Variants in SNX16 observed in about 807,000 individuals in gnomAD.
SNX16 encodes sorting nexin 16.
SNX16 carries 35 observed loss-of-function variants against 36.7 expected under a neutral mutation model. That is an observed-to-expected ratio of 0.95 (90% CI 0.73 to 1.27). The LOEUF (loss-of-function observed/expected upper bound fraction) is 1.27, where lower values mean the gene tolerates loss of function less well. Among genes scored for constraint, SNX16 ranks in the 50% most tolerant of loss-of-function variants. The pLI is 0.00. For synonymous variants in SNX16, 134 were observed against 132.0 expected (o/e 1.02, Z -0.10); for missense variants, 367 against 393.6 (o/e 0.93, Z 0.57).
chr8:81,835,218 G>A (rs922071321), intron 2 of SNX16, among the ~76,000 whole-genome samples: 4 of 152,312 alleles, frequency 2.6e-5, no homozygotes, highest in Non-Finnish European at 4.4e-5. Flanking sequence ...CGGCTGGGAC[G>A]CAGGGCACCA....
chr8:81,815,154 T>A, intron 5 of SNX16, 171 bp downstream of exon 5: 1 of 423,324 alleles, frequency 2.4e-6, no homozygotes, highest in Non-Finnish European at 4.2e-6. Flanking sequence ...GCTAAGTCTA[T>A]GTATTTCACT....
chr8:81,802,458 T>G lies in SNX16; in HGVS notation c.860A>C (p.Glu287Ala), dbSNP rs1809744786. 2.5e-6 allele frequency: 4 copies of G among 1,609,910 alleles called. No homozygotes were observed. In the African/African-American group the frequency reaches 5.4e-5, roughly 22 times the overall value. ...CTTTAGGATCTGTTCACCTTCTGTT[T>G]CTGACACATCCAGTGATTCTTCAGG... ...LEPEESLDVS[E>A]TEGEQILKVE... Residue 287 changes from glutamate (E) to alanine (A), a missense_variant, in exon 7 of 8, where the codon GAA (glutamate) becomes GCA (alanine). Glu to Ala is a moderately radical substitution (Grantham distance 107, BLOSUM62 -1). Transcript: ENST00000345957.
At chr8:81,840,768 C>A (rs1461827628) in intron 1 of SNX16, among the ~76,000 whole-genome samples, 1 of 152,174 alleles carries the variant, frequency 6.6e-6, no homozygotes, top group African/African-American at 2.4e-5. Context: ...TTCTGCTCTA[C>A]GATAAACTGA....
chr8:81,815,308 T>C lies in SNX16; in HGVS notation c.681+17A>G. On this transcript the variant is annotated intron_variant, in intron 5 of 7. Transcript: ENST00000345957. ...TAATTGTTCCTCTTTTCATGTGCTA[T>C]ATAATACAGCACTTACCCTGCTTTC... The C allele has an allele frequency of 6.3e-7, 1 of 1,599,152 alleles. No individual in the cohort carries two copies. The highest frequency in any genetic ancestry group is 8.6e-7 in the Non-Finnish European group (1 of 1,168,184).
At chr8:81,802,523 G>A (rs1444650012) in intron 6 of SNX16, 24 bp from the exon 7 acceptor site, 3 of 1,588,568 alleles carry the variant, frequency 1.9e-6, no homozygotes, top group African/African-American at 2.7e-5. Context: ...ATAGCAACAA[G>A]TTATTTTCTA....
intron 2 of SNX16, among the ~76,000 whole-genome samples, chr8:81,838,520 AAG>A (rs1251009882): frequency 9.9e-5 from 15 of 151,786 alleles, no homozygotes; most frequent in African/African-American, 3.6e-4. Flanking sequence ...ACTGAAAATG[AAG>A]AGGAGAGAGA....
chr8:81,822,975 TACAC>T (rs113354247), intron 4 of SNX16, among the ~76,000 whole-genome samples: 2 of 146,018 alleles, frequency 1.4e-5, no homozygotes. Context: ...TATATATATA[TACAC>T]ATATGTGTGT....
intron 2 of SNX16, among the ~76,000 whole-genome samples, chr8:81,837,231 G>A (rs1035084110): frequency 1.3e-5 from 2 of 152,088 alleles, no homozygotes; most frequent in Non-Finnish European, 1.5e-5. Flanking sequence ...CTATTACCCA[G>A]AACAGTGCCT....
At chr8:81,835,032 C>A (rs1441059939) in intron 2 of SNX16, among the ~76,000 whole-genome samples, 1 of 152,256 alleles carries the variant, frequency 6.6e-6, no homozygotes, top group Admixed American at 6.5e-5. Context: ...TCTGCCTGGG[C>A]ATCCAGGCAT....
chr8:81,808,116 C>A (rs2600603), intron 5 of SNX16: 266,686 of 1,188,632 alleles, frequency 0.22, 35,295 homozygotes, highest in East Asian at 0.39. Flanking sequence ...TTAAAGAAGA[C>A]ACTGAAGAAC....
At chr8:81,840,582 G>A (rs1811699165) in intron 1 of SNX16, 1 of 152,298 alleles carries the variant, frequency 6.6e-6, no homozygotes, top group Non-Finnish European at 1.5e-5. Flanking sequence ...ACACAGAGTA[G>A]TAACAATGAA....
At chr8:81,828,231 T>A (rs538873444) in intron 3 of SNX16, among the ~76,000 whole-genome samples, 1 of 152,254 alleles carries the variant, frequency 6.6e-6, no homozygotes, top group East Asian at 1.9e-4. Context: ...ATATGATAAA[T>A]CCTAGAAATG....
Position 81,823,804 on chromosome 8 carries a change from T to C in SNX16, c.599A>G (p.Asp200Gly), listed in dbSNP as rs1810885019. 2 of 1,607,162 alleles carry C rather than the reference T, an allele frequency of 1.2e-6. No homozygotes were observed. Among genetic ancestry groups the C allele is most frequent in the East Asian group, 2.2e-5 (1 of 44,690 alleles). The change falls in exon 4 of 8, where the codon GAC becomes GGC. Residue 200 changes from aspartate to glycine, a missense_variant. Asp to Gly is a moderately conservative substitution (Grantham distance 94). Transcript: ENST00000345957. ...ATTCGTTACATACCAGTTAGCAATG[T>C]CCTTGTGAGCTACTAAATTTTGAAG... ...AFLQNLVAHK[D>G]IANCLAVREF...
At chr8:81,812,473 T>C (rs1379796330) in intron 5 of SNX16, among the ~76,000 whole-genome samples, 2 of 152,064 alleles carry the variant, frequency 1.3e-5, no homozygotes, top group Non-Finnish European at 2.9e-5. Context: ...AGGTTGATTT[T>C]TTTTTTATCA....
intron 3 of SNX16, among the ~76,000 whole-genome samples, chr8:81,826,070 C>A (rs1811005965): frequency 6.6e-6 from 1 of 150,882 alleles, no homozygotes; most frequent in Admixed American, 6.6e-5. Flanking sequence ...AGGAGTTGTC[C>A]CACAATTGGG....
At position 81,823,892 on chromosome 8, in the gene SNX16, A is replaced by T; in HGVS notation, c.511T>A (p.Trp171Arg). Residue 171 changes from tryptophan (W) to arginine (R), a missense_variant, in exon 4 of 8, where the codon TGG becomes AGG. Transcript: ENST00000345957. ...TCAGCATTGTAATTATCTTTAAACC[A>T]GCGTTTTGGAGGAAGTGCTAGTCGA... ...GFRLALPPKR[W>R]FKDNYNADFL... The T allele has an allele frequency of 1.2e-6, 2 of 1,611,846 alleles. No individual in the cohort carries two copies. Among genetic ancestry groups the T allele is most frequent in the South Asian group, 1.1e-5 (1 of 90,628 alleles).
At chr8:81,810,141 C>A (rs910361771) in intron 5 of SNX16, among the ~76,000 whole-genome samples, 1 of 151,962 alleles carries the variant, frequency 6.6e-6, no homozygotes, top group Non-Finnish European at 1.5e-5. Flanking sequence ...TAATTTATTT[C>A]TAATAAGCTA....
At chr8:81,815,169 G>T in intron 5 of SNX16, 156 bp downstream of exon 5, 1 of 464,982 alleles carries the variant, frequency 2.2e-6, no homozygotes, top group Non-Finnish European at 3.7e-6. Flanking sequence ...TTCACTGAAA[G>T]CAACCTTTGA....
At chr8:81,841,862 T>G (rs1231440251) in intron 1 of SNX16, 4 of 152,004 alleles carry the variant, frequency 2.6e-5, no homozygotes, top group Non-Finnish European at 5.9e-5. Context: ...CGGTCACGGG[T>G]CTTCCGCACT....
Sources: gnomAD v4.1 joint callset for allele counts (sites outside exome capture counted in the v4.1 genomes callset) on GRCh38, gnomAD v4.1.1 for gene constraint, MANE v1.5 for transcripts, NCBI Gene and HGNC (gene_info 2026-07-23, HGNC 2026-07-21) for gene names.